Variants in TBC1D9 observed in about 807,000 individuals in gnomAD.
The protein encoded by TBC1D9 is TBC1 domain family member 9A.
In TBC1D9, 63 loss-of-function variants were observed where a neutral mutation model predicts 132.0. The observed-to-expected ratio is 0.48, with a 90% CI of 0.39 to 0.59. The LOEUF is 0.59. Ranked by LOEUF, TBC1D9 falls within the 20% of genes least tolerant of loss-of-function variation. TBC1D9 has a pLI of 0.00. For synonymous variants in TBC1D9, 610 were observed against 609.9 expected (o/e 1.00, Z 0.00); for missense variants, 1,261 against 1,592.7 (o/e 0.79, Z 3.54).
At chr4:140,718,404 T>C (rs1196129627) in intron 1 of TBC1D9, among the ~76,000 whole-genome samples, 4 of 152,172 alleles carry the variant, frequency 2.6e-5, no homozygotes, top group Admixed American at 6.5e-5. Flanking sequence ...CATTACTCTC[T>C]CCTCTGAATG....
intron 1 of TBC1D9, among the ~76,000 whole-genome samples, chr4:140,718,652 C>A (rs1241383589): frequency 6.6e-6 from 1 of 152,164 alleles, no homozygotes; most frequent in African/African-American, 2.4e-5. Context: ...AAACTAAGCT[C>A]ATTTAACTTA....
At position 140,694,903 on chromosome 4, in the gene TBC1D9, A is replaced by T. The variant is rs544108986; in HGVS notation, c.241+6601T>A. Among the ~76,000 whole-genome samples, 18 of 152,216 alleles carry T rather than the reference A, an allele frequency of 1.2e-4. 1 individual carries two copies. In the South Asian group the frequency reaches 3.7e-3, roughly 32 times the overall value. On this transcript the variant is annotated intron_variant, in intron 2 of 20. Transcript: ENST00000442267. ...ACATGTATTGCTTGAAGAAAAAAGGAGCAATTATTTTTGTTTGCTTTCTTA... is the reference window on the plus strand; with the variant it reads ...ACATGTATTGCTTGAAGAAAAAAGGTGCAATTATTTTTGTTTGCTTTCTTA...
rs946150261 is a variant in TBC1D9, at chr4:140,620,881, A to G, written c.*1314T>C. 1.3e-5 allele frequency: 2 copies of G among 152,652 alleles called. No individual in the cohort carries two copies. The highest frequency in any genetic ancestry group is 2.9e-5 in the Non-Finnish European group (2 of 68,030). The allele number at this position is 152,652 out of a possible 1,614,324, so 9.5% of individuals were successfully genotyped here. On this transcript the variant is annotated 3_prime_UTR_variant, in exon 21 of 21. Coordinates refer to ENST00000442267, the MANE Select transcript of TBC1D9 (RefSeq NM_015130.3). ...AAAATCATCCTGTAAATAGAATAAA[A>G]AACAACAGCAGCAATAGCTAAAAAA...
intron 13 of TBC1D9, among the ~76,000 whole-genome samples, chr4:140,650,551 A>C (rs1341606949): frequency 6.6e-6 from 1 of 151,972 alleles, no homozygotes; most frequent in Non-Finnish European, 1.5e-5. Flanking sequence ...TCTTTTTTTG[A>C]GATGGAGTTT....
intron 1 of TBC1D9, among the ~76,000 whole-genome samples, chr4:140,735,107 G>C (rs1010958626): frequency 3.3e-5 from 5 of 152,016 alleles, no homozygotes; most frequent in African/African-American, 4.8e-5. Flanking sequence ...CTTTCAACCT[G>C]CCCAAATAAT....
intron 9 of TBC1D9, among the ~76,000 whole-genome samples, chr4:140,663,578 A>G (rs1424671191): frequency 6.6e-6 from 1 of 152,206 alleles, no homozygotes; most frequent in Admixed American, 6.5e-5. Context: ...TCCTGAAGAA[A>G]TATCTGCATC....
intron 13 of TBC1D9, among the ~76,000 whole-genome samples, chr4:140,649,919 G>C (rs764133444): frequency 6.6e-6 from 1 of 152,046 alleles, no homozygotes; most frequent in Admixed American, 6.5e-5. Context: ...TGCCAGAAGT[G>C]GGCCCATATT....
At chr4:140,682,186 C>G (rs930280062) in intron 3 of TBC1D9, among the ~76,000 whole-genome samples, 1 of 152,048 alleles carries the variant, frequency 6.6e-6, no homozygotes, top group African/African-American at 2.4e-5. Flanking sequence ...AATTAGGTAC[C>G]AAGTTGCTAA....
chr4:140,739,239 C>T (rs1305234809), intron 1 of TBC1D9, among the ~76,000 whole-genome samples: 1 of 152,122 alleles, frequency 6.6e-6, no homozygotes, highest in Non-Finnish European at 1.5e-5. Flanking sequence ...GATCTGCCCA[C>T]CTCCCAAAGT....
At chr4:140,744,881 A>T (rs1166786712) in intron 1 of TBC1D9, among the ~76,000 whole-genome samples, 2 of 19,802 alleles carry the variant, frequency 1.0e-4, no homozygotes, top group Non-Finnish European at 1.9e-4. Flanking sequence ...AGAGTGTTTA[A>T]AAAAAAAAAA....
intron 1 of TBC1D9, among the ~76,000 whole-genome samples, chr4:140,720,054 A>G (rs573530269): frequency 1.3e-4 from 20 of 152,344 alleles, no homozygotes; most frequent in Non-Finnish European, 2.6e-4. Flanking sequence ...TAAAGGAAAT[A>G]TTGCACATGA....
chr4:140,674,109 A>G (rs1406586371), intron 6 of TBC1D9, among the ~76,000 whole-genome samples: 1 of 152,242 alleles, frequency 6.6e-6, no homozygotes, highest in Admixed American at 6.5e-5. Context: ...TGAGTAGCAC[A>G]TGATGAAGAA....
At chr4:140,752,215 C>A (rs1738937047) in intron 1 of TBC1D9, among the ~76,000 whole-genome samples, 1 of 152,108 alleles carries the variant, frequency 6.6e-6, no homozygotes, top group African/African-American at 2.4e-5. Context: ...TTGTGGTATA[C>A]TCATATCATA....
intron 1 of TBC1D9, among the ~76,000 whole-genome samples, chr4:140,725,009 T>C (rs757402367): frequency 1.3e-5 from 2 of 152,142 alleles, no homozygotes; most frequent in Non-Finnish European, 2.9e-5. Flanking sequence ...GCAATACCTA[T>C]CAAAATTGCA....
intron 9 of TBC1D9, among the ~76,000 whole-genome samples, chr4:140,666,389 G>A (rs568451240): frequency 6.6e-6 from 1 of 152,296 alleles, no homozygotes; most frequent in African/African-American, 2.4e-5. Flanking sequence ...AGGCCGGAGT[G>A]CAGTGGCGCT....
At chr4:140,694,967 G>A (rs1737931714) in intron 2 of TBC1D9, among the ~76,000 whole-genome samples, 1 of 152,058 alleles carries the variant, frequency 6.6e-6, no homozygotes, top group Admixed American at 6.5e-5. Context: ...TAGTCCTTGA[G>A]TTACACAGAC....
intron 2 of TBC1D9, among the ~76,000 whole-genome samples, chr4:140,691,912 G>A (rs1737883605): frequency 6.6e-6 from 1 of 152,094 alleles, no homozygotes; most frequent in Admixed American, 6.6e-5. Context: ...AATAGAAGAT[G>A]GACCTCCAAA....
At position 140,729,436 on chromosome 4, in the gene TBC1D9, T is replaced by A. The variant is rs75918725; in HGVS notation, c.130+26480A>T. On this transcript the variant is annotated intron_variant, in intron 1 of 20. Coordinates refer to ENST00000442267, the MANE Select transcript of TBC1D9 (RefSeq NM_015130.3). ...TCCATCACAACAGCAAAGGGCCCCATGGAGGCACCAGGGAGATGATAATTT... is the reference window on the plus strand; with the variant it reads ...TCCATCACAACAGCAAAGGGCCCCAAGGAGGCACCAGGGAGATGATAATTT... Among the ~76,000 whole-genome samples, 1,430 of 152,232 alleles carry A rather than the reference T, an allele frequency of 9.4e-3. 102 individuals carry two copies. In the East Asian group the frequency reaches 0.18, roughly 20 times the overall value.
Position 140,686,327 on chromosome 4 carries a change from T to C in TBC1D9, c.360+17A>G. ...GAAATTATTTCCAATTAAAATGTTT[T>C]TCTTTTATCCCACTACCTGTATTTT... is the stretch of plus-strand genomic sequence containing the variant. On this transcript the variant is annotated intron_variant, in intron 3 of 20. Transcript: ENST00000442267. 1 of 1,323,246 alleles carries C rather than the reference T, an allele frequency of 7.6e-7. No homozygotes were observed. The highest frequency in any genetic ancestry group is 1.1e-6 in the Non-Finnish European group (1 of 937,256). 82.0% of individuals were successfully genotyped at this position (1,323,246 alleles called of 1,614,324 possible). A position where few individuals can be genotyped will look rare whatever the true frequency, so the allele number is the denominator to read the frequency against.
Sources: allele counts gnomAD v4.1 joint callset (sites outside exome capture counted in the v4.1 genomes callset), GRCh38; gene constraint gnomAD v4.1.1; transcripts MANE v1.5; gene names NCBI Gene and HGNC (gene_info 2026-07-23, HGNC 2026-07-21).